Variants in PACS2 observed in about 807,000 individuals in gnomAD.
PACS2 encodes phosphofurin acidic cluster sorting protein 2, also known as PACS1-like protein.
A neutral mutation model predicts 113.0 loss-of-function variants in PACS2; 36 were observed. The ratio of observed to expected loss-of-function variants is 0.32; its 90% CI spans 0.24 to 0.42. PACS2 has a LOEUF of 0.42. PACS2 is among the 10% of genes least tolerant of loss of function. The pLI is 1.00. For synonymous variants in PACS2, 589 were observed against 536.1 expected (o/e 1.10, Z -1.36); for missense variants, 1,015 against 1,239.5 (o/e 0.82, Z 2.72).
intron 1 of PACS2, among the ~76,000 whole-genome samples, chr14:105,325,174 G>T (rs965382412): frequency 2.6e-5 from 4 of 151,768 alleles, no homozygotes; most frequent in East Asian, 2.0e-4. Flanking sequence ...TGGGACGGGG[G>T]GGGGCTCGGA....
At chr14:105,322,370 T>C (rs1203698459) in intron 1 of PACS2, among the ~76,000 whole-genome samples, 2 of 152,014 alleles carry the variant, frequency 1.3e-5, no homozygotes, top group Non-Finnish European at 2.9e-5. Context: ...GTCAAGTGAT[T>C]CTTGTGCCTC....
At chr14:105,338,190 G>T (rs1271704352) in intron 1 of PACS2, among the ~76,000 whole-genome samples, 1 of 152,216 alleles carries the variant, frequency 6.6e-6, no homozygotes, top group Non-Finnish European at 1.5e-5. Context: ...GCCTGCTGTG[G>T]GCTGCATGGC....
intron 1 of PACS2, chr14:105,301,334 TC>T (rs2058015854): frequency 6.9e-6 from 1 of 144,484 alleles, no homozygotes; most frequent in Admixed American, 6.9e-5. Flanking sequence ...GGGCGGGGCC[TC>T]CCGTGGAGAG....
chr14:105,388,240 T>C, intron 19 of PACS2, among the ~76,000 whole-genome samples: 1 of 151,358 alleles, frequency 6.6e-6, no homozygotes. Context: ...GGTTGGCGTC[T>C]GGGGAGGGTG....
chr14:105,309,624 G>T (rs777547922), upstream of PACS2, among the ~76,000 whole-genome samples: 22 of 152,152 alleles, frequency 1.4e-4, no homozygotes, highest in Non-Finnish European at 3.1e-4. The surrounding 1 kb of genome is among the most constrained non-coding windows in gnomAD (Gnocchi z 4.0). Flanking sequence ...AGCTGCTCTG[G>T]GTCCTGCCCC....
intron 1 of PACS2, among the ~76,000 whole-genome samples, chr14:105,326,855 C>T (rs1351613144): frequency 1.3e-5 from 2 of 152,202 alleles, no homozygotes; most frequent in African/African-American, 4.8e-5. Context: ...CCCTGGGTGG[C>T]CTCCAGTCAC....
chr14:105,347,312 C>T (rs587700515), intron 1 of PACS2, among the ~76,000 whole-genome samples: 15 of 152,124 alleles, frequency 9.9e-5, no homozygotes, highest in Middle Eastern at 6.8e-3. Context: ...CCAGTGCTCC[C>T]GTTGCCTGGG....
rs1466974234 is a variant in PACS2 at position 105,385,613 on chromosome 14, TCGG to T, written c.2001-68_2001-66del. The T allele has an allele frequency of 5.0e-5, 54 of 1,078,546 alleles. No individual in the cohort carries two copies. In the Admixed American group the frequency reaches 1.2e-3, roughly 24 times the overall value. The allele number at this position is 1,078,546 out of a possible 1,614,324, so 66.8% of individuals were successfully genotyped here. A position where few individuals can be genotyped will look rare whatever the true frequency, so the allele number is the denominator to read the frequency against. Reference sequence around the variant, plus strand: ...GTGAGATGGGAGCCACTGAGTGCCCTCGGCGGTCCCTGGAGGGGTCCTGAGGGC... The same window carrying T: ...GTGAGATGGGAGCCACTGAGTGCCCTCGGTCCCTGGAGGGGTCCTGAGGGC... On this transcript the variant is annotated intron_variant, in intron 18 of 24. Transcript: ENST00000447393.
intron 1 of PACS2, among the ~76,000 whole-genome samples, chr14:105,322,764 T>C (rs2058948955): frequency 1.3e-5 from 2 of 152,260 alleles, no homozygotes; most frequent in South Asian, 2.1e-4. Flanking sequence ...TTTGATGAGC[T>C]TCAAAACTCA....
chr14:105,390,958 C>G (rs1555414655), intron 20 of PACS2: 1 of 559,596 alleles, frequency 1.8e-6, no homozygotes. Context: ...CCCTGAGGGC[C>G]GACTTTAGAG....
In PACS2 at chr14:105,394,441, C is replaced by T. The variant is rs587725663; in HGVS notation, c.2597-113C>T. 4,655 of 1,531,482 alleles carry T rather than the reference C, an allele frequency of 3.0e-3. 12 individuals carry two copies. The highest frequency in any genetic ancestry group is 3.5e-3 in the Non-Finnish European group (4,016 of 1,140,528). 94.9% of individuals were successfully genotyped at this position (1,531,482 alleles called of 1,614,324 possible). On this transcript the variant is annotated intron_variant, in intron 24 of 24. Transcript: ENST00000447393. Reference sequence around the variant, plus strand: ...TGTTGATGCCCTCCAGCATGGGGCTCCTTCTCATCCTGTACGCCCGGCTGC... The same window carrying T: ...TGTTGATGCCCTCCAGCATGGGGCTTCTTCTCATCCTGTACGCCCGGCTGC...
intron 16 of PACS2, 65 bp downstream of exon 16, chr14:105,383,578 A>AGTGGT (rs1199070669): frequency 7.4e-6 from 11 of 1,483,702 alleles, no homozygotes; most frequent in Non-Finnish European, 1.0e-5. Flanking sequence ...CGTGGCATGG[A>AGTGGT]GTGGTGTGGC....
rs1383683592 is a variant in PACS2 at position 105,348,372 on chromosome 14, T to A, written c.120-121T>A. ...TGAGGTCCTGGGGCCGCCCAGGCAG[T>A]CACACCCCGCCCTGCACCCCAGGGT... is the stretch of plus-strand genomic sequence containing the variant. On this transcript the variant is annotated intron_variant, in intron 1 of 24. Coordinates refer to ENST00000447393, the MANE Select transcript of PACS2 (RefSeq NM_001100913.3). The surrounding 1 kb of genome is among the most constrained non-coding windows in gnomAD (Gnocchi z 6.4). 3.9e-5 allele frequency: 27 copies of A among 690,130 alleles called. No individual in the cohort carries two copies. The highest frequency in any genetic ancestry group is 8.8e-5 in the South Asian group (5 of 57,076). The allele number at this position is 690,130 out of a possible 1,614,324, so 42.8% of individuals were successfully genotyped here.
At chr14:105,321,845 T>C (rs1372633314) in intron 1 of PACS2, among the ~76,000 whole-genome samples, 8 of 152,102 alleles carry the variant, frequency 5.3e-5, no homozygotes, top group Non-Finnish European at 1.2e-4. Flanking sequence ...TATTTTTCTA[T>C]CCTTTTTAAA....
intron 1 of PACS2, among the ~76,000 whole-genome samples, chr14:105,337,916 G>T (rs775745211): frequency 8.5e-4 from 130 of 152,328 alleles, no homozygotes; most frequent in Non-Finnish European, 1.6e-4. Context: ...CCCCACATGT[G>T]CACCCCCAGG....
chr14:105,374,690 C>T (rs2061281226), intron 8 of PACS2: 1 of 152,214 alleles, frequency 6.6e-6, no homozygotes, highest in African/African-American at 2.4e-5. Flanking sequence ...ATTACCCTGA[C>T]CAGCTGCAAT....
chr14:105,367,084 C>A, intron 4 of PACS2, 129 bp from the exon 5 acceptor site: 1 of 777,468 alleles, frequency 1.3e-6, no homozygotes, highest in Non-Finnish European at 2.1e-6. Context: ...TGCCCTGTGG[C>A]TGCCCTGCTG....
At chr14:105,364,433 G>A (rs1437570484) in intron 4 of PACS2, among the ~76,000 whole-genome samples, 1 of 127,968 alleles carries the variant, frequency 7.8e-6, no homozygotes, top group African/African-American at 3.3e-5. Context: ...CCGGGTGCGC[G>A]GTGGGCGGCG....
At chr14:105,384,484 C>A in intron 17 of PACS2, 21 bp downstream of exon 17, 1 of 1,512,332 alleles carries the variant, frequency 6.6e-7, no homozygotes, top group Non-Finnish European at 9.1e-7. Flanking sequence ...GGCGCGTCCA[C>A]AGCCCACGCC....
Sources: allele counts gnomAD v4.1 joint callset (sites outside exome capture counted in the v4.1 genomes callset), GRCh38; gene constraint gnomAD v4.1.1; non-coding constraint Gnocchi (gnomAD v3.1); transcripts MANE v1.5; gene names NCBI Gene and HGNC (gene_info 2026-07-23, HGNC 2026-07-21).